The following RAPGEF3 variants were observed in gnomAD, a reference collection of about 807,000 sequenced individuals.
The protein encoded by RAPGEF3 is 9330170P05Rik.
A neutral mutation model predicts 129.8 loss-of-function variants in RAPGEF3; 103 were observed. The observed-to-expected ratio is 0.79, with a 90% CI of 0.68 to 0.93. The LOEUF is 0.93. Ranked by LOEUF, RAPGEF3 falls within the 40% of genes least tolerant of loss-of-function variation. RAPGEF3 has a pLI of 0.00. For synonymous variants in RAPGEF3, 436 were observed against 482.6 expected, an observed-to-expected ratio of 0.90 and a Z score of 1.26; for missense variants, 1,117 against 1,207.4, an observed-to-expected ratio of 0.93 and a Z score of 1.11.
rs1353526928 is a variant in RAPGEF3, at chr12:47,748,948, A to T, written c.1042-17T>A. ...CTCCACATCCTGGAGAACAGGCCAC[A>T]TCCCATGCTCAACTCATGATGTTCC... On this transcript the variant is annotated splice_polypyrimidine_tract_variant and intron_variant, in intron 10 of 27. Transcript: ENST00000449771. 1.3e-6 allele frequency: 2 copies of T among 1,576,502 alleles called. No individual in the cohort carries two copies. The highest frequency in any genetic ancestry group is 2.2e-5 in the South Asian group (2 of 90,384).
chr12:47,748,878 C>A lies in RAPGEF3; in HGVS notation c.1095G>T (p.Val365=). The change falls in exon 11 of 28, where the codon GTG becomes GTT. Residue 365 remains valine (V), a synonymous_variant. Transcript: ENST00000449771. The part of the protein sequence containing the change: ...RLEEHGKVVL[V]LERASQGAGP... ...CGGCGCCCTGAGAGGCTCTCTCCAG[C>A]ACCAGCACCACTTTGCCATGTTCTT... is the stretch of plus-strand genomic sequence containing the variant. 6.2e-7 allele frequency: 1 copy of A among 1,613,960 alleles called. No homozygotes were observed. The highest frequency in any genetic ancestry group is 8.5e-7 in the Non-Finnish European group (1 of 1,179,878).
chr12:47,747,527 CAG>C lies in RAPGEF3; in HGVS notation c.1556+15_1556+16del. 6.2e-7 allele frequency: 1 copy of C among 1,610,760 alleles called. No homozygotes were observed. The highest frequency in any genetic ancestry group is 1.3e-5 in the African/African-American group (1 of 75,010). On this transcript the variant is annotated intron_variant, in intron 15 of 27. Transcript: ENST00000449771. ...GCCAGTTATGGAAATGACAAATTAACAGAGTCAAAGCATCACCTGTGGCATCG... is the reference window on the plus strand; with the variant it reads ...GCCAGTTATGGAAATGACAAATTAACAGTCAAAGCATCACCTGTGGCATCG...
intron 17 of RAPGEF3, 142 bp from the exon 18 acceptor site, chr12:47,743,818 C>T: frequency 7.3e-7 from 1 of 1,377,438 alleles, no homozygotes. Context: ...AAAAAAGAGG[C>T]AGGTAGGAGG....
Position 47,749,672 on chromosome 12 carries a change from C to T in RAPGEF3, c.894+69G>A. 1 of 1,593,026 alleles carries T rather than the reference C, an allele frequency of 6.3e-7. No homozygotes were observed. The highest frequency in any genetic ancestry group is 8.6e-7 in the Non-Finnish European group (1 of 1,163,784). On this transcript the variant is annotated intron_variant, in intron 9 of 27. Transcript: ENST00000449771. This position sits in a 1 kb window ranked among gnomAD's most constrained non-coding sequence, Gnocchi z 4.5. Reference sequence around the variant, plus strand: ...CAGCAGTAGATCAACAAAGGCACTGCCCATGAGGACATGGACCAGGGAGCA... The same window carrying T: ...CAGCAGTAGATCAACAAAGGCACTGTCCATGAGGACATGGACCAGGGAGCA...
At chr12:47,738,992 C>T in intron 24 of RAPGEF3, 151 bp downstream of exon 24, 1 of 742,692 alleles carries the variant, frequency 1.3e-6, no homozygotes, top group Non-Finnish European at 2.2e-6. Flanking sequence ...TCTGCACTCC[C>T]TGAGGCATCA....
intron 14 of RAPGEF3, 30 bp downstream of exon 14, chr12:47,747,682 C>G (rs368871919): frequency 1.1e-5 from 18 of 1,611,884 alleles, no homozygotes; most frequent in Middle Eastern, 1.6e-4. Flanking sequence ...CCCGGGCAGC[C>G]CAGCCCCGCT....
At position 47,740,172 on chromosome 12, in the gene RAPGEF3, C is replaced by T. The variant is rs767312809; in HGVS notation, c.2342G>A (p.Arg781Gln). Residue 781 changes from arginine (R) to glutamine (Q), a missense_variant, in exon 23 of 28, where the codon CGG (arginine) becomes CAG (glutamine). Coordinates refer to ENST00000449771, the MANE Select transcript of RAPGEF3 (RefSeq NM_001098531.4). The stretch of plus-strand genomic sequence containing the variant: ...CCTCTCGAGGGCGGAGTACAGCTTC[C>T]GGACTTTGTGAGGCAGCCGCTGTGA... ...HTWERLPHKV[R>Q]KLYSALERLL... 13 of 1,613,436 alleles carry T rather than the reference C, an allele frequency of 8.1e-6. No homozygotes were observed. Among genetic ancestry groups the T allele is most frequent in the South Asian group, 1.1e-5 (1 of 91,012 alleles).
Position 47,740,788 on chromosome 12 carries a change from A to G in RAPGEF3, c.2085T>C (p.His695=), listed in dbSNP as rs1372308352. The change falls in exon 21 of 28, where the codon CAT becomes CAC. Residue 695 remains histidine (H), a synonymous_variant. Coordinates refer to ENST00000449771, the MANE Select transcript of RAPGEF3 (RefSeq NM_001098531.4). ...GGTTGGCGGTGGTGACATCCCGCAG[A>G]TGCTGGGGGCCCAGCACATAGTGGA... is the stretch of plus-strand genomic sequence containing the variant. ...ELIHYVLGPQ[H]LRDVTTANLE... 6.2e-7 allele frequency: 1 copy of G among 1,613,892 alleles called. No homozygotes were observed. Among genetic ancestry groups the G allele is most frequent in the Non-Finnish European group, 8.5e-7 (1 of 1,179,998 alleles).
chr12:47,756,877 G>A (rs1942091793), intron 2 of RAPGEF3, among the ~76,000 whole-genome samples: 1 of 151,924 alleles, frequency 6.6e-6, no homozygotes, highest in Non-Finnish European at 1.5e-5. Context: ...GCTGAGGCAG[G>A]AGAATCACTT....
intron 27 of RAPGEF3, 36 bp downstream of exon 27, chr12:47,737,986 C>CCCCAACCAGCCCCCCCCCCCAA: frequency 6.5e-7 from 1 of 1,532,056 alleles, no homozygotes; most frequent in Non-Finnish European, 9.0e-7. Context: ...CCATAAGCAC[C>CCCCAACCAGCCCCCCCCCCCAA]CCCTCCCTGC....
Position 47,751,082 on chromosome 12 carries a change from G to A in RAPGEF3, c.637C>T (p.Pro213Ser). 1 of 1,594,558 alleles carries A rather than the reference G, an allele frequency of 6.3e-7. No homozygotes were observed. The highest frequency in any genetic ancestry group is 8.5e-7 in the Non-Finnish European group (1 of 1,171,532). ...EAVALLSQRG[P>S]DALLTVALRK... ...AGTGCCACAGTGAGCAGGGCGTCAG[G>A]CCCCCGCTGGGAGAGCAGGGCCACA... The change falls in exon 6 of 28, where the codon CCT becomes TCT. Residue 213 changes from proline to serine, a missense_variant. By Grantham distance (74) the Pro-to-Ser change is moderately conservative. This residue lies in a region of RAPGEF3 where 367 missense variants were observed against 373.4 expected (regional missense o/e 0.98). Transcript: ENST00000449771.
intron 2 of RAPGEF3, among the ~76,000 whole-genome samples, chr12:47,755,158 C>T (rs1178481186): frequency 6.6e-6 from 1 of 152,194 alleles, no homozygotes; most frequent in African/African-American, 2.4e-5. Flanking sequence ...TGAGCTTGGA[C>T]TCTGCAGCCA....
At chr12:47,758,116 C>G in intron 1 of RAPGEF3, 38 bp from the exon 2 acceptor site, 6 of 1,535,648 alleles carry the variant, frequency 3.9e-6, no homozygotes, top group Non-Finnish European at 5.3e-6. Context: ...CCATGGGACA[C>G]GACTGGGGCG....
At position 47,747,631 on chromosome 12, in the gene RAPGEF3, G is replaced by A; in HGVS notation, c.1474-5C>T. Reference sequence around the variant, plus strand: ...GCCCACCAGGTCTGAGAGTTTCTAAGAAGAGCCAAGATTCACTGAGATGGC... The same window carrying A: ...GCCCACCAGGTCTGAGAGTTTCTAAAAAGAGCCAAGATTCACTGAGATGGC... On this transcript the variant is annotated splice_polypyrimidine_tract_variant and splice_region_variant and intron_variant, in intron 14 of 27. Transcript: ENST00000449771. The A allele has an allele frequency of 6.2e-7, 1 of 1,613,862 alleles. No individual in the cohort carries two copies. The highest frequency in any genetic ancestry group is 1.1e-5 in the South Asian group (1 of 91,086).
intron 2 of RAPGEF3, among the ~76,000 whole-genome samples, chr12:47,752,326 G>C (rs552463505): frequency 1.3e-5 from 2 of 152,334 alleles, no homozygotes; most frequent in East Asian, 3.9e-4. Flanking sequence ...GAGGACATGA[G>C]ATAAGAAGAC....
chr12:47,749,786 C>G lies in RAPGEF3; in HGVS notation c.849G>C (p.Trp283Cys). 6.2e-7 allele frequency: 1 copy of G among 1,614,200 alleles called. No individual in the cohort carries two copies. Among genetic ancestry groups the G allele is most frequent in the Non-Finnish European group, 8.5e-7 (1 of 1,180,046 alleles). The part of the protein sequence containing the change: ...LFSQGDKGTS[W>C]YIIWKGSVNV... ...TGACAGATCCCTTCCAGATAATGTA[C>G]CACGAAGTGCCCTTGTCCCCCTGGC... The change falls in exon 9 of 28, where the codon TGG becomes TGC. Residue 283 changes from tryptophan (W) to cysteine (C), a missense_variant. Physicochemically the swap from Trp to Cys is radical, Grantham distance 215 (BLOSUM62 -2). Coordinates refer to ENST00000449771, the MANE Select transcript of RAPGEF3 (RefSeq NM_001098531.4). This position sits in a 1 kb window ranked among gnomAD's most constrained non-coding sequence, Gnocchi z 4.5.
At chr12:47,745,437 AG>A in intron 16 of RAPGEF3, 1 of 152,510 alleles carries the variant, frequency 6.6e-6, no homozygotes, top group Non-Finnish European at 1.5e-5. Context: ...TCCTTGGCCC[AG>A]GGGGCCCTGC....
rs369520276 is a variant in RAPGEF3 at position 47,751,983 on chromosome 12, G to A, written c.220-14C>T. The A allele has an allele frequency of 1.2e-6, 2 of 1,613,918 alleles. No homozygotes were observed. The highest frequency in any genetic ancestry group is 2.7e-5 in the African/African-American group (2 of 74,926). ...GGTGAGTGGTGTCTGGGGGCAGCAG[G>A]GAAAGCGTGCACATCAGTGTGAGGT... On this transcript the variant is annotated splice_polypyrimidine_tract_variant and intron_variant, in intron 2 of 27. Transcript: ENST00000449771.
At chr12:47,739,314 C>T (rs1940992892) in intron 23 of RAPGEF3, 84 bp from the exon 24 acceptor site, 1 of 1,057,794 alleles carries the variant, frequency 9.5e-7, no homozygotes, top group South Asian at 1.3e-5. Flanking sequence ...GCCACATGCC[C>T]ATCCCACAGC....
Sources: gnomAD v4.1 joint callset for allele counts (sites outside exome capture counted in the v4.1 genomes callset) on GRCh38, gnomAD v4.1.1 for gene constraint, gnomAD v4.1.1 regional missense constraint, Gnocchi (gnomAD v3.1) non-coding constraint, MANE v1.5 for transcripts, NCBI Gene and HGNC (gene_info 2026-07-23, HGNC 2026-07-21) for gene names.